Variants in KCNC2 observed in about 807,000 individuals in gnomAD.
KCNC2 encodes potassium voltage-gated channel subfamily C member 2, also known as voltage-gated potassium channel KCNC2.
In KCNC2, 21 loss-of-function variants were observed where a neutral mutation model predicts 44.5. That is an observed-to-expected ratio of 0.47 (90% CI 0.33 to 0.68). The LOEUF (loss-of-function observed/expected upper bound fraction) is 0.68, where lower values mean the gene tolerates loss of function less well. Among genes scored for constraint, KCNC2 ranks in the 30% least tolerant of loss-of-function variants. The pLI is 0.01. For missense variants in KCNC2, 589 were observed against 826.2 expected (o/e 0.71, Z 3.52); for synonymous variants, 391 against 339.1 (o/e 1.15, Z -1.68).
intron 2 of KCNC2, among the ~76,000 whole-genome samples, chr12:75,055,824 ATTTAAGCAAATT>A (rs1881684995): frequency 6.6e-6 from 1 of 152,048 alleles, no homozygotes; most frequent in Non-Finnish European, 1.5e-5. Flanking sequence ...CAATGCAAAT[ATTTAAGCAAATT>A]TTTAGGTATG....
intron 3 of KCNC2, among the ~76,000 whole-genome samples, chr12:75,049,739 T>C (rs1006960243): frequency 1.3e-5 from 2 of 151,986 alleles, no homozygotes; most frequent in Non-Finnish European, 2.9e-5. Context: ...AAATGGTGGG[T>C]TAATTATATT....
intron 2 of KCNC2, among the ~76,000 whole-genome samples, chr12:75,176,402 T>C (rs899350753): frequency 6.6e-6 from 1 of 151,968 alleles, no homozygotes; most frequent in African/African-American, 2.4e-5. Context: ...AACCTTTCCA[T>C]GGCTTCCACC....
intron 2 of KCNC2, among the ~76,000 whole-genome samples, chr12:75,073,990 C>T (rs1407489157): frequency 1.3e-5 from 2 of 152,132 alleles, no homozygotes; most frequent in Non-Finnish European, 2.9e-5. Context: ...TGATCATTCT[C>T]TTTTATGCCT....
intron 2 of KCNC2, among the ~76,000 whole-genome samples, chr12:75,114,807 T>C (rs1209515125): frequency 2.6e-5 from 4 of 152,048 alleles, no homozygotes. Context: ...GAGTTATTTG[T>C]GTTGCCTTAG....
chr12:75,200,261 A>C (rs897811988), intron 2 of KCNC2, among the ~76,000 whole-genome samples: 20 of 151,760 alleles, frequency 1.3e-4, no homozygotes, highest in African/African-American at 4.1e-4. Flanking sequence ...AAGTCACAAG[A>C]TCTAAATACT....
intron 2 of KCNC2, among the ~76,000 whole-genome samples, chr12:75,200,447 CACATATAATA>C (rs1175066263): frequency 6.6e-6 from 1 of 151,724 alleles, no homozygotes; most frequent in East Asian, 1.9e-4. Context: ...ATATTTTGGA[CACATATAATA>C]ACATGCACAC....
chr12:75,143,332 T>C (rs960313378), intron 2 of KCNC2, among the ~76,000 whole-genome samples: 2 of 152,274 alleles, frequency 1.3e-5, no homozygotes, highest in East Asian at 3.9e-4. Context: ...CTACTGCCCA[T>C]CCAGAAACAG....
chr12:75,077,230 T>C (rs1380526931), intron 2 of KCNC2, among the ~76,000 whole-genome samples: 4 of 152,184 alleles, frequency 2.6e-5, no homozygotes, highest in Non-Finnish European at 5.9e-5. Flanking sequence ...TAGAGTTGTA[T>C]GAGCATTTTC....
chr12:75,126,650 G>T (rs904049079), intron 2 of KCNC2, among the ~76,000 whole-genome samples: 11 of 152,180 alleles, frequency 7.2e-5, no homozygotes, highest in Middle Eastern at 3.4e-3. Flanking sequence ...AAGACATTCA[G>T]AATCGTTCTG....
intron 2 of KCNC2, among the ~76,000 whole-genome samples, chr12:75,094,567 A>C (rs1270009582): frequency 6.6e-6 from 1 of 151,682 alleles, no homozygotes; most frequent in African/African-American, 2.4e-5. Context: ...CTTTAAATTA[A>C]TTTTTAAATA....
chr12:75,129,505 G>T (rs186223558), intron 2 of KCNC2, among the ~76,000 whole-genome samples: 177 of 152,264 alleles, frequency 1.2e-3, no homozygotes, highest in African/African-American at 4.1e-3. Context: ...GTAGGGCTGT[G>T]TGTCTAGCTT....
At chr12:75,158,928 G>A (rs7965109) in intron 2 of KCNC2, among the ~76,000 whole-genome samples, 2,248 of 151,930 alleles carry the variant, frequency 0.015, 53 homozygotes, top group African/African-American at 0.051. Flanking sequence ...TGACAAAAAC[G>A]TCTTTACAAA....
chr12:75,040,127 T>C lies in KCNC2; in HGVS notation c.*2978A>G, dbSNP rs1224797221. The C allele has an allele frequency of 6.6e-6, 1 of 152,056 alleles. No homozygotes were observed. Among genetic ancestry groups the C allele is most frequent in the Non-Finnish European group, 1.5e-5 (1 of 67,976 alleles). The allele number at this position is 152,056 out of a possible 1,614,324, so 9.4% of individuals were successfully genotyped here. ...AACATTCAAGTTTATCCCCAGCTCATTTGCCTTTTATTCTTCATTTCAGTT... is the reference window on the plus strand; with the variant it reads ...AACATTCAAGTTTATCCCCAGCTCACTTGCCTTTTATTCTTCATTTCAGTT... On this transcript the variant is annotated 3_prime_UTR_variant, in exon 5 of 5. Coordinates refer to ENST00000549446, the MANE Select transcript of KCNC2 (RefSeq NM_139137.4).
chr12:75,198,657 T>C (rs2030980092), intron 2 of KCNC2, among the ~76,000 whole-genome samples: 1 of 151,886 alleles, frequency 6.6e-6, no homozygotes, highest in South Asian at 2.1e-4. Context: ...ATGATTATTA[T>C]GCCATCATTT....
At chr12:75,188,858 T>C (rs921064054) in intron 2 of KCNC2, among the ~76,000 whole-genome samples, 7 of 137,352 alleles carry the variant, frequency 5.1e-5, no homozygotes, top group African/African-American at 1.9e-4. Context: ...TGAGACTCCA[T>C]CTCAATAAAT....
At chr12:75,077,182 G>A (rs1186700430) in intron 2 of KCNC2, among the ~76,000 whole-genome samples, 2 of 152,038 alleles carry the variant, frequency 1.3e-5, no homozygotes, top group Non-Finnish European at 2.9e-5. Flanking sequence ...ATTAAGTTTA[G>A]TCCTCATGTA....
chr12:75,134,017 T>A (rs1889047349), intron 2 of KCNC2, among the ~76,000 whole-genome samples: 1 of 151,994 alleles, frequency 6.6e-6, no homozygotes, highest in African/African-American at 2.4e-5. Context: ...TGATTAATTC[T>A]ACATTTCTCA....
intron 2 of KCNC2, among the ~76,000 whole-genome samples, chr12:75,095,472 T>C (rs1198134155): frequency 6.6e-6 from 1 of 151,842 alleles, no homozygotes; most frequent in African/African-American, 2.4e-5. Context: ...CTTACGCTCC[T>C]CCAACCTTCC....
intron 2 of KCNC2, among the ~76,000 whole-genome samples, chr12:75,143,472 G>A (rs1274134072): frequency 2.0e-5 from 3 of 152,088 alleles, no homozygotes; most frequent in African/African-American, 4.8e-5. Context: ...CCTGACTAGC[G>A]AGGTAGACAC....
Sources: gnomAD v4.1 joint callset for allele counts (sites outside exome capture counted in the v4.1 genomes callset) on GRCh38, gnomAD v4.1.1 for gene constraint, MANE v1.5 for transcripts, NCBI Gene and HGNC (gene_info 2026-07-23, HGNC 2026-07-21) for gene names.